The following ZNF385D variants were observed in gnomAD, a reference collection of about 807,000 sequenced individuals.
The protein encoded by ZNF385D is zinc finger protein 659.
ZNF385D carries 15 observed loss-of-function variants against 35.8 expected under a neutral mutation model. The ratio of observed to expected loss-of-function variants is 0.42; its 90% CI spans 0.28 to 0.64. The LOEUF is 0.64. ZNF385D is among the 30% of genes least tolerant of loss of function. The pLI is 0.23. For missense variants in ZNF385D, 474 were observed against 494.6 expected (o/e 0.96, Z 0.39); for synonymous variants, 212 against 186.8 (o/e 1.13, Z -1.10).
intron 3 of ZNF385D, among the ~76,000 whole-genome samples, chr3:21,967,079 T>C (rs778568485): frequency 2.6e-5 from 4 of 152,220 alleles, no homozygotes; most frequent in Non-Finnish European, 5.9e-5. Context: ...ATTCCATACA[T>C]TGTATGATCT....
chr3:21,716,038 A>G (rs2068305615), intron 1 of ZNF385D, among the ~76,000 whole-genome samples: 1 of 152,130 alleles, frequency 6.6e-6, no homozygotes, highest in South Asian at 2.1e-4. Context: ...ATAACCCTGA[A>G]TAACCCTGAA....
In ZNF385D at chr3:21,557,590, A is replaced by G. The variant is rs545409387; in HGVS notation, c.276+6984T>C. Among the ~76,000 whole-genome samples, 104 of 152,248 alleles carry G rather than the reference A, an allele frequency of 6.8e-4. 1 individual carries two copies. In the South Asian group the frequency reaches 0.017, roughly 25 times the overall value. On this transcript the variant is annotated intron_variant, in intron 3 of 7. Coordinates refer to ENST00000281523, the MANE Select transcript of ZNF385D (RefSeq NM_024697.3). Reference sequence around the variant, plus strand: ...CCAGTATTTTATTGAGGATTTTTGCATTGATGTTCAGGGATATTGGCCTGA... The same window carrying G: ...CCAGTATTTTATTGAGGATTTTTGCGTTGATGTTCAGGGATATTGGCCTGA...
At chr3:22,163,225 G>T (rs1022334904) in intron 3 of ZNF385D, among the ~76,000 whole-genome samples, 2 of 152,092 alleles carry the variant, frequency 1.3e-5, no homozygotes, top group African/African-American at 4.8e-5. Flanking sequence ...TGAGCTGGAG[G>T]GACTTTAGAG....
intron 3 of ZNF385D, among the ~76,000 whole-genome samples, chr3:22,141,133 A>T (rs1044699067): frequency 2.0e-5 from 3 of 152,168 alleles, no homozygotes; most frequent in Admixed American, 6.5e-5. Context: ...TAAAAACATA[A>T]GAGAGGTTTA....
chr3:22,071,233 C>G (rs1700214855), intron 3 of ZNF385D, among the ~76,000 whole-genome samples: 1 of 152,066 alleles, frequency 6.6e-6, no homozygotes, highest in Non-Finnish European at 1.5e-5. Flanking sequence ...AATAATATCC[C>G]AAAGGTTCCA....
At chr3:21,618,938 T>C (rs2064925595) in intron 2 of ZNF385D, among the ~76,000 whole-genome samples, 1 of 152,168 alleles carries the variant, frequency 6.6e-6, no homozygotes, top group Non-Finnish European at 1.5e-5. Context: ...AACTAGGGGA[T>C]AGCTCTTGTC....
chr3:22,287,593 T>C (rs1702090940), intron 2 of ZNF385D, among the ~76,000 whole-genome samples: 4 of 151,968 alleles, frequency 2.6e-5, no homozygotes, highest in Non-Finnish European at 5.9e-5. Flanking sequence ...ACAGGCTATT[T>C]TAAACTAATA....
chr3:21,497,141 C>G (rs1705963355), intron 4 of ZNF385D, among the ~76,000 whole-genome samples: 1 of 152,092 alleles, frequency 6.6e-6, no homozygotes, highest in African/African-American at 2.4e-5. Context: ...GATCCTGTAT[C>G]TAGAAAACCC....
intron 3 of ZNF385D, among the ~76,000 whole-genome samples, chr3:22,167,954 G>A (rs547009045): frequency 6.6e-6 from 1 of 152,214 alleles, no homozygotes; most frequent in African/African-American, 2.4e-5. Flanking sequence ...TCTACTTTAA[G>A]AATGTACTTT....
At position 21,463,503 on chromosome 3, in the gene ZNF385D, C is replaced by T. The variant is rs578011846; in HGVS notation, c.440-26300G>A. Among the ~76,000 whole-genome samples the T allele has an allele frequency of 3.7e-4, 56 of 152,276 alleles. 1 individual carries two copies. The highest frequency in any genetic ancestry group is 6.8e-4 in the Non-Finnish European group (46 of 68,004). ...CCCAGGTGGAGGCACACACCTGGGA[C>T]CCTGAGCAGCCTGAGGGCTTCCTCA... On this transcript the variant is annotated intron_variant, in intron 4 of 7. Coordinates refer to ENST00000281523, the MANE Select transcript of ZNF385D (RefSeq NM_024697.3).
chr3:21,872,319 C>T (rs1697737805), intron 3 of ZNF385D, among the ~76,000 whole-genome samples: 1 of 152,120 alleles, frequency 6.6e-6, no homozygotes, highest in Non-Finnish European at 1.5e-5. Context: ...GTGCATGCTA[C>T]ATTATGTTGT....
intron 2 of ZNF385D, among the ~76,000 whole-genome samples, chr3:21,588,916 C>T (rs536182431): frequency 9.2e-5 from 14 of 152,116 alleles, no homozygotes; most frequent in Non-Finnish European, 1.8e-4. Context: ...CTCATACATC[C>T]ACTCACTCAA....
In ZNF385D at chr3:21,687,963, CAGCTTACTGCA is replaced by C. The variant is rs143722584; in HGVS notation, c.23-22946_23-22936del. On this transcript the variant is annotated intron_variant, in intron 1 of 7. Coordinates refer to ENST00000281523, the MANE Select transcript of ZNF385D (RefSeq NM_024697.3). ...GGCTTGGAATGCAGTAGCACGGTCA[CAGCTTACTGCA>C]AGCTCGAGCTCCTAAGCTCAAGGGA... is the stretch of plus-strand genomic sequence containing the variant. 3.1e-3 allele frequency among the ~76,000 whole-genome samples: 472 copies of C among 152,136 alleles called. 2 individuals carry two copies. Among genetic ancestry groups the C allele is most frequent in the African/African-American group, 0.011 (458 of 41,518 alleles).
Position 21,732,051 on chromosome 3 carries a change from T to G in ZNF385D, c.22+18844A>C, listed in dbSNP as rs1003963679. Among the ~76,000 whole-genome samples the G allele has an allele frequency of 1.5e-3, 102 of 69,724 alleles. 16 individuals carry two copies. The highest frequency in any genetic ancestry group is 3.4e-3 in the African/African-American group (88 of 25,902). The allele number at this position is 69,724 out of a possible 152,430, so 45.7% of individuals were successfully genotyped here. ...CGGGGTTTTTTTTTTTTTTTTTTTT[T>G]TTTTTTTTTTTTTTTTTTGAGAACG... is the stretch of plus-strand genomic sequence containing the variant. On this transcript the variant is annotated intron_variant, in intron 1 of 7. Transcript: ENST00000281523.
intron 1 of ZNF385D, among the ~76,000 whole-genome samples, chr3:21,733,408 G>A (rs1297930862): frequency 6.6e-6 from 1 of 152,016 alleles, no homozygotes; most frequent in South Asian, 2.1e-4. Flanking sequence ...GCTTGTCAAT[G>A]TTTGTTCATA....
At chr3:21,877,683 T>C (rs1698055155) in intron 3 of ZNF385D, among the ~76,000 whole-genome samples, 2 of 151,954 alleles carry the variant, frequency 1.3e-5, no homozygotes, top group African/African-American at 4.8e-5. Context: ...GGGCCTGCAG[T>C]GAAATGTGTG....
chr3:21,458,604 T>C (rs899582379), intron 4 of ZNF385D, among the ~76,000 whole-genome samples: 10 of 152,040 alleles, frequency 6.6e-5, no homozygotes, highest in African/African-American at 2.4e-4. Flanking sequence ...TAATGGAATA[T>C]TATTCTGGAC....
At chr3:21,706,814 TGATAGATAGATA>T (rs67457933) in intron 1 of ZNF385D, among the ~76,000 whole-genome samples, 38,088 of 150,196 alleles carry the variant, frequency 0.25, 5,426 homozygotes, top group South Asian at 0.35. Flanking sequence ...AGATAATAGA[TGATAGATAGATA>T]GATAGATAGA....
intron 2 of ZNF385D, among the ~76,000 whole-genome samples, chr3:22,214,533 C>G (rs145530977): frequency 2.2e-4 from 33 of 151,990 alleles, no homozygotes; most frequent in Non-Finnish European, 3.8e-4. Flanking sequence ...AGGAGAAATA[C>G]TGCTAAATTC....
Sources: gnomAD v4.1 joint callset for allele counts (sites outside exome capture counted in the v4.1 genomes callset) on GRCh38, gnomAD v4.1.1 for gene constraint, MANE v1.5 for transcripts, NCBI Gene and HGNC (gene_info 2026-07-23, HGNC 2026-07-21) for gene names.